LAMA4: variants seen among roughly 807,000 people sequenced by gnomAD.
LAMA4 encodes the protein laminin subunit alpha-4.
Under a neutral mutation model 207.1 loss-of-function variants are expected in LAMA4, and 127 were observed. The ratio of observed to expected loss-of-function variants is 0.61; its 90% CI spans 0.53 to 0.71. The LOEUF (loss-of-function observed/expected upper bound fraction) is 0.71. Among genes scored for constraint, LAMA4 ranks in the 30% least tolerant of loss-of-function variants. LAMA4 has a pLI of 0.00. For missense variants in LAMA4, 2,093 were observed against 2,246.5 expected (o/e 0.93, Z 1.38); for synonymous variants, 761 against 816.0 (o/e 0.93, Z 1.15).
At chr6:112,253,931 G>T (rs1554190428) in intron 2 of LAMA4, 25 bp downstream of exon 2, 12 of 1,609,042 alleles carry the variant, frequency 7.5e-6, no homozygotes, top group Non-Finnish European at 1.0e-5. Context: ...GCCCCAGCAG[G>T]GTGGCAATGG....
At chr6:112,215,645 C>A (rs1554358362) in intron 3 of LAMA4, among the ~76,000 whole-genome samples, 1 of 152,170 alleles carries the variant, frequency 6.6e-6, no homozygotes, top group Non-Finnish European at 1.5e-5. Flanking sequence ...TCCACTGAAG[C>A]CACTTCTGGT....
At chr6:112,145,633 CT>C (rs1779981009) in intron 18 of LAMA4, among the ~76,000 whole-genome samples, 1 of 152,182 alleles carries the variant, frequency 6.6e-6, no homozygotes, top group Admixed American at 6.5e-5. Context: ...CTCAAGTGTT[CT>C]TTCAGCCACC....
At chr6:112,176,395 C>G (rs539382222) in intron 10 of LAMA4, among the ~76,000 whole-genome samples, 89 of 152,276 alleles carry the variant, frequency 5.8e-4, no homozygotes, top group Non-Finnish European at 9.4e-4. Context: ...TTACTATGAT[C>G]TATGTGGTTG....
intron 2 of LAMA4, among the ~76,000 whole-genome samples, chr6:112,245,629 T>C (rs1407789842): frequency 6.7e-6 from 1 of 150,272 alleles, no homozygotes; most frequent in African/African-American, 2.5e-5. Context: ...CAGGGGCCCT[T>C]TTAGCTGTAG....
intron 10 of LAMA4, among the ~76,000 whole-genome samples, chr6:112,176,365 T>C (rs1368552603): frequency 1.3e-5 from 2 of 152,222 alleles, no homozygotes; most frequent in African/African-American, 4.8e-5. Flanking sequence ...CTGGCATAAA[T>C]GAAATTGCGT....
Position 112,136,136 on chromosome 6 carries a change from G to A in LAMA4, c.3401C>T (p.Ala1134Val). The A allele has an allele frequency of 6.2e-7, 1 of 1,612,496 alleles. No homozygotes were observed. Among genetic ancestry groups the A allele is most frequent in the Non-Finnish European group, 8.5e-7 (1 of 1,179,410 alleles). Residue 1134 changes from alanine (A) to valine (V), a missense_variant, in exon 25 of 39, where the codon GCA (alanine) becomes GTA (valine). Ala to Val is a moderately conservative substitution (Grantham distance 64). Transcript: ENST00000230538. Reference sequence around the variant, plus strand: ...AATGATTTGTACCTCATGGTATTTTGCATCATTAATTTGAGCTTTCTTTAA... The same window carrying A: ...AATGATTTGTACCTCATGGTATTTTACATCATTAATTTGAGCTTTCTTTAA... The part of the protein sequence containing the change: ...DTLKKAQIND[A>V]KYHEISIIYH...
chr6:112,171,889 A>C (rs1781739902), intron 12 of LAMA4: 1 of 152,344 alleles, frequency 6.6e-6, no homozygotes, highest in Admixed American at 6.5e-5. Flanking sequence ...ACATAACCGA[A>C]TTCGTGAATT....
At chr6:112,210,701 T>C (rs1784313371) in intron 3 of LAMA4, among the ~76,000 whole-genome samples, 1 of 152,206 alleles carries the variant, frequency 6.6e-6, no homozygotes, top group Non-Finnish European at 1.5e-5. Flanking sequence ...TTTTCTCATA[T>C]GTGTAAGGTG....
At chr6:112,137,272 T>C (rs1554331863) in intron 24 of LAMA4, among the ~76,000 whole-genome samples, 1 of 152,186 alleles carries the variant, frequency 6.6e-6, no homozygotes, top group Non-Finnish European at 1.5e-5. Flanking sequence ...GGAAGTGATC[T>C]CCTGAGTGGA....
chr6:112,219,758 T>C (rs971455935), intron 2 of LAMA4, among the ~76,000 whole-genome samples: 4 of 152,222 alleles, frequency 2.6e-5, no homozygotes, highest in African/African-American at 9.6e-5. Flanking sequence ...GTCAGTTATG[T>C]TGCACAATTC....
chr6:112,249,938 T>TGTTA (rs1248857391), intron 2 of LAMA4, among the ~76,000 whole-genome samples: 1 of 152,234 alleles, frequency 6.6e-6, no homozygotes, highest in African/African-American at 2.4e-5. Context: ...TCTTATAGAA[T>TGTTA]GTTAGTACAT....
Position 112,148,348 on chromosome 6 carries a change from G to A in LAMA4, c.2174-12C>T, listed in dbSNP as rs782688673. 3.7e-6 allele frequency: 6 copies of A among 1,613,874 alleles called. No homozygotes were observed. The African/African-American group carries it at 8.0e-5, about 22-fold the overall frequency. ...CTGCTGGGCATCCCCTTTACACAGA[G>A]CACAGGGTCATTCACTTTGCAGAGA... On this transcript the variant is annotated splice_polypyrimidine_tract_variant and intron_variant, in intron 17 of 38. Transcript: ENST00000230538.
At chr6:112,133,575 G>A (rs570058236) in intron 26 of LAMA4, 88 bp from the exon 27 acceptor site, 1 of 1,463,980 alleles carries the variant, frequency 6.8e-7, no homozygotes, top group South Asian at 1.1e-5. Flanking sequence ...TTTATTTATA[G>A]TCATTTGTAA....
At chr6:112,119,127 A>G (rs187984715) in intron 34 of LAMA4, 29 bp downstream of exon 34, 184 of 1,612,184 alleles carry the variant, frequency 1.1e-4, no homozygotes, top group South Asian at 2.5e-4. Context: ...CTAATGGTCA[A>G]TGGCTCTACC....
At chr6:112,214,413 TTATAAGAA>T (rs1244494718) in intron 3 of LAMA4, among the ~76,000 whole-genome samples, 1 of 152,054 alleles carries the variant, frequency 6.6e-6, no homozygotes, top group African/African-American at 2.4e-5. Flanking sequence ...TAAATTAAAT[TTATAAGAA>T]TATATCTATA....
rs1360080611 is a variant in LAMA4, at chr6:112,141,619, C to T, written c.2668-116G>A. 7 of 816,308 alleles carry T rather than the reference C, an allele frequency of 8.6e-6. No homozygotes were observed. In the African/African-American group the frequency reaches 1.2e-4, roughly 14 times the overall value. 50.6% of individuals were successfully genotyped at this position (816,308 alleles called of 1,614,324 possible). On this transcript the variant is annotated intron_variant, in intron 20 of 38. Transcript: ENST00000230538. Reference sequence around the variant, plus strand: ...TGGGTATATACAAGTGACTTCTGGCCTGAATTATTATCCGAAGCTCCTGTG... The same window carrying T: ...TGGGTATATACAAGTGACTTCTGGCTTGAATTATTATCCGAAGCTCCTGTG...
At chr6:112,183,761 G>A (rs1160995471) in intron 9 of LAMA4, among the ~76,000 whole-genome samples, 1 of 151,972 alleles carries the variant, frequency 6.6e-6, no homozygotes, top group Non-Finnish European at 1.5e-5. Flanking sequence ...GACCAGCCTG[G>A]CTAACATGGT....
chr6:112,208,238 G>A (rs1169014479), intron 3 of LAMA4, among the ~76,000 whole-genome samples: 1 of 152,192 alleles, frequency 6.6e-6, no homozygotes, highest in Non-Finnish European at 1.5e-5. Flanking sequence ...ATGCATAAGA[G>A]CTTCAACAGG....
Position 112,155,666 on chromosome 6 carries a change from C to T in LAMA4, c.1858G>A (p.Ala620Thr), listed in dbSNP as rs374001056. 1.2e-5 allele frequency: 19 copies of T among 1,614,030 alleles called. No individual in the cohort carries two copies. In the African/African-American group the frequency reaches 2.4e-4, roughly 20 times the overall value. Residue 620 changes from alanine to threonine, a missense_variant, in exon 15 of 39, where the codon GCT becomes ACT. Coordinates refer to ENST00000230538, the MANE Select transcript of LAMA4 (RefSeq NM_001105206.3). ...SSDMNGLVQK[A>T]LDASNVYENI... ...TCATAGACATTTGATGCATCCAAAGCCTTCTGTACCAGCCCGTTCATATCT... is the reference window on the plus strand; with the variant it reads ...TCATAGACATTTGATGCATCCAAAGTCTTCTGTACCAGCCCGTTCATATCT...
Sources: gnomAD v4.1 joint callset for allele counts (sites outside exome capture counted in the v4.1 genomes callset) on GRCh38, gnomAD v4.1.1 for gene constraint, MANE v1.5 for transcripts, NCBI Gene and HGNC (gene_info 2026-07-23, HGNC 2026-07-21) for gene names.